PCDHGB4: variants seen among roughly 807,000 people sequenced by gnomAD.
PCDHGB4 encodes protocadherin gamma subfamily B, 4.
PCDHGB4 carries 38 observed loss-of-function variants against 60.5 expected under a neutral mutation model. The observed-to-expected ratio is 0.63, with a 90% confidence interval of 0.48 to 0.82. The LOEUF (loss-of-function observed/expected upper bound fraction) is 0.82. PCDHGB4 is among the 40% of genes least tolerant of loss of function. PCDHGB4 has a pLI of 0.00. For missense variants in PCDHGB4, 1,109 were observed against 1,209.6 expected (o/e 0.92, Z 1.23); for synonymous variants, 456 against 509.7 (o/e 0.89, Z 1.42).
chr5:141,409,561 C>T (rs1296401858), intron 1 of PCDHGB4: 4 of 1,613,986 alleles, frequency 2.5e-6, no homozygotes, highest in Non-Finnish European at 3.4e-6. Context: ...CAGTTTTCGA[C>T]CAGACGTCCT....
At chr5:141,494,729 C>A in intron 1 of PCDHGB4, 78 bp from the exon 2 acceptor site, 1 of 1,610,166 alleles carries the variant, frequency 6.2e-7, no homozygotes. Context: ...CCTTCTCTCC[C>A]GGCCCATCCC....
At chr5:141,428,117 G>T in intron 1 of PCDHGB4, 2 of 1,607,102 alleles carry the variant, frequency 1.2e-6, no homozygotes, top group East Asian at 2.2e-5. Context: ...AGGCCATCGA[G>T]CCCGGGCTTT....
chr5:141,404,641 G>C, intron 1 of PCDHGB4: 2 of 1,614,178 alleles, frequency 1.2e-6, no homozygotes, highest in Non-Finnish European at 1.7e-6. Context: ...CAGAAATCCT[G>C]TACCCTGCCC....
rs1316573600 is a variant in PCDHGB4 at position 141,490,443 on chromosome 5, G to A, written c.2398-4364G>A. The A allele has an allele frequency of 1.2e-6, 2 of 1,614,174 alleles. No individual in the cohort carries two copies. Among genetic ancestry groups the A allele is most frequent in the Non-Finnish European group, 8.5e-7 (1 of 1,180,042 alleles). On this transcript the variant is annotated intron_variant, in intron 1 of 3. Coordinates refer to ENST00000519479, the MANE Select transcript of PCDHGB4 (RefSeq NM_003736.4). The surrounding 1 kb of genome is among the most constrained non-coding windows in gnomAD (Gnocchi z 5.4). ...TGCCATTTCAGATTAAGCCTTCTGA[G>A]AACCACTACTCGCTGCTAACCAGCC...
chr5:141,453,620 A>G (rs2098770145), intron 1 of PCDHGB4, among the ~76,000 whole-genome samples: 1 of 152,196 alleles, frequency 6.6e-6, no homozygotes. Context: ...CAAAAACAAA[A>G]CCTATACATA....
At chr5:141,465,141 A>AT (rs1341872532) in intron 1 of PCDHGB4, among the ~76,000 whole-genome samples, 2 of 151,678 alleles carry the variant, frequency 1.3e-5, no homozygotes, top group Non-Finnish European at 2.9e-5. Flanking sequence ...AGTTTAGGGG[A>AT]TATATGAAGG....
At chr5:141,483,329 A>C (rs1463046335) in intron 1 of PCDHGB4, among the ~76,000 whole-genome samples, 3 of 152,182 alleles carry the variant, frequency 2.0e-5, no homozygotes, top group Non-Finnish European at 2.9e-5. Flanking sequence ...GGAGGCAAAG[A>C]GATCTTATCT....
At chr5:141,423,977 G>A in intron 1 of PCDHGB4, 4 of 1,121,548 alleles carry the variant, frequency 3.6e-6, no homozygotes, top group Non-Finnish European at 4.4e-6. Context: ...ATCAGTGTAT[G>A]AGGCTCTCAA....
In PCDHGB4 at chr5:141,393,591, C is replaced by T. The variant is rs369860953; in HGVS notation, c.2397+3310C>T. On this transcript the variant is annotated intron_variant, in intron 1 of 3. Coordinates refer to ENST00000519479, the MANE Select transcript of PCDHGB4 (RefSeq NM_003736.4). ...CCTTGAGAACATGCCCCCAGGCACG[C>T]GGCTGCTTACTGTAACAGCCAGCGA... The T allele has an allele frequency of 1.8e-5, 29 of 1,613,882 alleles. No homozygotes were observed. The Middle Eastern group carries it at 4.9e-4, about 28-fold the overall frequency.
In PCDHGB4 at chr5:141,389,612, G is replaced by A; in HGVS notation, c.1728G>A (p.Val576=). The A allele has an allele frequency of 6.2e-7, 1 of 1,613,040 alleles. No homozygotes were observed. The highest frequency in any genetic ancestry group is 8.5e-7 in the Non-Finnish European group (1 of 1,179,826). Residue 576 remains valine (V), a synonymous_variant, in exon 1 of 4, where the codon GTG becomes GTA. Coordinates refer to ENST00000519479, the MANE Select transcript of PCDHGB4 (RefSeq NM_003736.4). ...GPDGSALFDM[V]PHAAEPGYLV... ...ACGGCTCTGCGCTCTTCGATATGGT[G>A]CCGCACGCTGCAGAGCCTGGCTACT...
At position 141,485,841 on chromosome 5, in the gene PCDHGB4, C is replaced by G. The variant is rs969476505; in HGVS notation, c.2398-8966C>G. On this transcript the variant is annotated intron_variant, in intron 1 of 3. Transcript: ENST00000519479. This position sits in a 1 kb window ranked among gnomAD's most constrained non-coding sequence, Gnocchi z 5.7. Reference sequence around the variant, plus strand: ...GTCGATGGAGGGAACCCGCCGAGATCTGGCACCGCAGAGCTCCGGGTATCC... The same window carrying G: ...GTCGATGGAGGGAACCCGCCGAGATGTGGCACCGCAGAGCTCCGGGTATCC... 29 of 1,614,104 alleles carry G rather than the reference C, an allele frequency of 1.8e-5. No individual in the cohort carries two copies. The highest frequency in any genetic ancestry group is 2.2e-5 in the South Asian group (2 of 91,080).
chr5:141,399,469 T>G, intron 1 of PCDHGB4: 1 of 1,614,000 alleles, frequency 6.2e-7, no homozygotes. Flanking sequence ...CGCTCCGGTT[T>G]TCCACCAGGC....
At chr5:141,443,498 C>G (rs1217918256) in intron 1 of PCDHGB4, among the ~76,000 whole-genome samples, 3 of 152,036 alleles carry the variant, frequency 2.0e-5, no homozygotes, top group Non-Finnish European at 4.4e-5. Context: ...AACAAACAAA[C>G]AAATAAAGAG....
intron 3 of PCDHGB4, among the ~76,000 whole-genome samples, chr5:141,506,700 G>GT (rs1446452157): frequency 2.0e-5 from 3 of 152,138 alleles, no homozygotes; most frequent in Admixed American, 1.3e-4. Context: ...ACCCAAACCC[G>GT]TTTTTTACTG....
chr5:141,486,030 C>A lies in PCDHGB4; in HGVS notation c.2398-8777C>A. The A allele has an allele frequency of 6.2e-7, 1 of 1,614,164 alleles. No homozygotes were observed. The highest frequency in any genetic ancestry group is 8.5e-7 in the Non-Finnish European group (1 of 1,180,012). ...ACCTTTTATTTCAGTGGTCATACCC[C>A]TGATCGTGTAAGAAACCTCTTTAGC... On this transcript the variant is annotated intron_variant, in intron 1 of 3. Coordinates refer to ENST00000519479, the MANE Select transcript of PCDHGB4 (RefSeq NM_003736.4). The surrounding 1 kb of genome is among the most constrained non-coding windows in gnomAD (Gnocchi z 5.0).
chr5:141,405,332 T>C, intron 1 of PCDHGB4: 1 of 1,614,222 alleles, frequency 6.2e-7, no homozygotes, highest in Non-Finnish European at 8.5e-7. Flanking sequence ...TTTGTGCGTC[T>C]CTGTTGATTC....
chr5:141,434,480 C>T (rs777049751), intron 1 of PCDHGB4, among the ~76,000 whole-genome samples: 6 of 152,194 alleles, frequency 3.9e-5, no homozygotes, highest in Non-Finnish European at 5.9e-5. Context: ...GGGCAAGGAA[C>T]ACCTGGCCCG....
intron 1 of PCDHGB4, chr5:141,430,840 A>G: frequency 6.4e-7 from 1 of 1,565,876 alleles, no homozygotes; most frequent in East Asian, 2.2e-5. Flanking sequence ...GGGAGACCGG[A>G]TGCACCCAGA....
chr5:141,404,300 C>T (rs749132060), intron 1 of PCDHGB4: 3 of 1,613,862 alleles, frequency 1.9e-6, no homozygotes, highest in South Asian at 2.2e-5. Flanking sequence ...TGATAATCCA[C>T]CTGCTTTCTC....
Sources: allele counts gnomAD v4.1 joint callset (sites outside exome capture counted in the v4.1 genomes callset), GRCh38; gene constraint gnomAD v4.1.1; non-coding constraint Gnocchi (gnomAD v3.1); transcripts MANE v1.5; gene names NCBI Gene and HGNC (gene_info 2026-07-23, HGNC 2026-07-21).